ST3GAL3: variants seen among roughly 807,000 people sequenced by gnomAD.
ST3GAL3 encodes the protein CMP-N-acetylneuraminate-beta-1,4-galactoside alpha-2,3-sialyltransferase.
In ST3GAL3, 21 loss-of-function variants were observed where a neutral mutation model predicts 50.1. That is an observed-to-expected ratio of 0.42 (90% confidence interval 0.30 to 0.60). The LOEUF (loss-of-function observed/expected upper bound fraction) is 0.60. Ranked by LOEUF, ST3GAL3 falls within the 20% of genes least tolerant of loss-of-function variation. The pLI is 0.19. For synonymous variants in ST3GAL3, 183 were observed against 190.0 expected, an observed-to-expected ratio of 0.96 and a Z score of 0.30; for missense variants, 353 against 489.4, an observed-to-expected ratio of 0.72 and a Z score of 2.63.
intron 5 of ST3GAL3, among the ~76,000 whole-genome samples, chr1:43,879,784 G>A (rs952687668): frequency 6.6e-6 from 1 of 152,152 alleles, no homozygotes; most frequent in Non-Finnish European, 1.5e-5. Context: ...AGCCAGAGCC[G>A]CTGCTCCTGC....
At chr1:43,927,522 A>G (rs1038558282) in intron 11 of ST3GAL3, among the ~76,000 whole-genome samples, 1 of 152,130 alleles carries the variant, frequency 6.6e-6, no homozygotes, top group Admixed American at 6.6e-5. Flanking sequence ...ATTCGTTACT[A>G]CTTCTCCAGA....
At chr1:43,767,588 G>A (rs1318493890) in intron 2 of ST3GAL3, among the ~76,000 whole-genome samples, 1 of 149,496 alleles carries the variant, frequency 6.7e-6, no homozygotes, top group Non-Finnish European at 1.5e-5. Context: ...ATTAAGAAAT[G>A]AATTTGTAAA....
intron 2 of ST3GAL3, among the ~76,000 whole-genome samples, chr1:43,758,963 G>C (rs1267003226): frequency 6.6e-6 from 1 of 150,996 alleles, no homozygotes; most frequent in African/African-American, 2.4e-5. Flanking sequence ...AGAATCAGTT[G>C]AGCCTAGGAA....
Position 43,920,933 on chromosome 1 carries a change from G to C in ST3GAL3, c.1038+5G>C, listed in dbSNP as rs777519333. The C allele has an allele frequency of 6.2e-7, 1 of 1,606,032 alleles. No homozygotes were observed. Among genetic ancestry groups the C allele is most frequent in the South Asian group, 1.1e-5 (1 of 90,120 alleles). On this transcript the variant is annotated splice_donor_5th_base_variant and intron_variant, in intron 11 of 11. Transcript: ENST00000347631. ...CGCATGGCAGCCATCAAAGAGGTTC[G>C]GGGCTGGGTATGGGGGCAATCCCTG...
At position 43,899,016 on chromosome 1, in the gene ST3GAL3, TTC is replaced by T. The variant is rs1274458777; in HGVS notation, c.462-147_462-146del. The T allele has an allele frequency of 3.9e-6, 4 of 1,034,204 alleles. No homozygotes were observed. The Admixed American group carries it at 6.2e-5, about 16-fold the overall frequency. The allele number at this position is 1,034,204 out of a possible 1,614,324, so 64.1% of individuals were successfully genotyped here. ...AGCTACCCATTGTATGGTTCAGGCC[TTC>T]TCTCAGAAATGCTGCCAGAAGCCCA... On this transcript the variant is annotated intron_variant, in intron 7 of 11. Transcript: ENST00000347631. This position sits in a 1 kb window ranked among gnomAD's most constrained non-coding sequence, Gnocchi z 5.4.
intron 1 of ST3GAL3, among the ~76,000 whole-genome samples, chr1:43,735,000 G>C (rs553724356): frequency 6.6e-6 from 1 of 152,140 alleles, no homozygotes; most frequent in South Asian, 2.1e-4. Flanking sequence ...ATTCCAGACA[G>C]ACCTTGAGGA....
intron 1 of ST3GAL3, among the ~76,000 whole-genome samples, chr1:43,731,250 G>A (rs1571646986): frequency 1.3e-5 from 2 of 151,766 alleles, no homozygotes; most frequent in Admixed American, 6.6e-5. Flanking sequence ...TCGCTCTGTC[G>A]CCCAGGCTTG....
intron 3 of ST3GAL3, among the ~76,000 whole-genome samples, chr1:43,796,760 A>G (rs1300953432): frequency 2.6e-5 from 4 of 152,280 alleles, no homozygotes. Flanking sequence ...TTAATCAACC[A>G]ATGCCAGTGC....
Position 43,832,263 on chromosome 1 carries a change from G to T in ST3GAL3, c.210-5956G>T, listed in dbSNP as rs1323554058. On this transcript the variant is annotated intron_variant, in intron 4 of 11. Transcript: ENST00000347631. ...TCCACAATCACTGATCAAATAGGAA[G>T]GTGGCCTGGTTTGATGAAAAGGTAT... is the stretch of plus-strand genomic sequence containing the variant. Among the ~76,000 whole-genome samples the T allele has an allele frequency of 2.6e-5, 4 of 152,186 alleles. No individual in the cohort carries two copies. In the East Asian group the frequency reaches 7.7e-4, roughly 29 times the overall value.
rs1425576826 is a variant in ST3GAL3, at chr1:43,875,944, CTTCTTCTTATTATTATTATTATTA to C, written c.303-18436_303-18413del. Reference sequence around the variant, plus strand: ...TCTTCTTCTTCTTCTTCTTCTTCTTCTTCTTCTTATTATTATTATTATTATTATTATTATTATTTTTGAGACAGG... The same window carrying C: ...TCTTCTTCTTCTTCTTCTTCTTCTTCTTATTATTATTATTTTTGAGACAGG... On this transcript the variant is annotated intron_variant, in intron 5 of 11. Transcript: ENST00000347631. Among the ~76,000 whole-genome samples the C allele has an allele frequency of 6.9e-4, 34 of 49,090 alleles. 1 individual carries two copies. The East Asian group carries it at 0.01, about 15-fold the overall frequency. The allele number at this position is 49,090 out of a possible 152,430, so 32.2% of individuals were successfully genotyped here. A position where few individuals can be genotyped will look rare whatever the true frequency, so the allele number is the denominator to read the frequency against.
At chr1:43,763,703 C>G (rs1691432244) in intron 2 of ST3GAL3, among the ~76,000 whole-genome samples, 1 of 152,148 alleles carries the variant, frequency 6.6e-6, no homozygotes, top group South Asian at 2.1e-4. Flanking sequence ...TGGAGTAGTT[C>G]TTCAACTCAC....
chr1:43,850,723 TC>T (rs2067132071), intron 5 of ST3GAL3: 2 of 746,730 alleles, frequency 2.7e-6, no homozygotes, highest in Non-Finnish European at 4.9e-6. Flanking sequence ...CCCAGCTCCG[TC>T]AGTGCCTCAG....
intron 3 of ST3GAL3, among the ~76,000 whole-genome samples, chr1:43,812,778 A>G (rs577343269): frequency 1.9e-4 from 29 of 152,306 alleles, no homozygotes; most frequent in Non-Finnish European, 3.8e-4. Flanking sequence ...ATGTCTCTTA[A>G]TGAAAGAGAG....
intron 3 of ST3GAL3, among the ~76,000 whole-genome samples, chr1:43,794,766 T>C (rs1202284036): frequency 6.6e-6 from 1 of 152,128 alleles, no homozygotes; most frequent in African/African-American, 2.4e-5. Context: ...GATGCAACAA[T>C]ATGGATAAAT....
chr1:43,851,383 A>G, intron 5 of ST3GAL3: 13 of 1,603,628 alleles, frequency 8.1e-6, no homozygotes, highest in Non-Finnish European at 1.1e-5. Context: ...GGGGAGCCTG[A>G]GCAAGGCTGG....
chr1:43,734,165 G>A (rs185884455), intron 1 of ST3GAL3, among the ~76,000 whole-genome samples: 11 of 152,054 alleles, frequency 7.2e-5, no homozygotes, highest in Admixed American at 7.2e-4. Flanking sequence ...GATATTTTAT[G>A]TTCTTTGGTG....
At position 43,848,595 on chromosome 1, in the gene ST3GAL3, G is replaced by A. The variant is rs529100752; in HGVS notation, c.302+10284G>A. Among the ~76,000 whole-genome samples the A allele has an allele frequency of 3.9e-5, 6 of 152,162 alleles. No homozygotes were observed. In the East Asian group the frequency reaches 5.8e-4, roughly 15 times the overall value. ...GCTAGGATTACAGGTGTGAGCCACCGTGCCTGGCTGTGGTTTTCTTTATAT... is the reference window on the plus strand; with the variant it reads ...GCTAGGATTACAGGTGTGAGCCACCATGCCTGGCTGTGGTTTTCTTTATAT... On this transcript the variant is annotated intron_variant, in intron 5 of 11. Coordinates refer to ENST00000347631, the MANE Select transcript of ST3GAL3 (RefSeq NM_006279.5).
At chr1:43,865,059 C>G (rs71518478) in intron 5 of ST3GAL3, among the ~76,000 whole-genome samples, 2 of 151,746 alleles carry the variant, frequency 1.3e-5, no homozygotes, top group Non-Finnish European at 2.9e-5. Flanking sequence ...CTCTGTCGCC[C>G]AGGCTGGAGT....
chr1:43,848,431 G>A (rs755412680), intron 5 of ST3GAL3, among the ~76,000 whole-genome samples: 9 of 149,308 alleles, frequency 6.0e-5, no homozygotes, highest in African/African-American at 2.0e-4. Flanking sequence ...TCAGCCTCCC[G>A]AGTAGCTGGG....
Sources: gnomAD v4.1 joint callset for allele counts (sites outside exome capture counted in the v4.1 genomes callset) on GRCh38, gnomAD v4.1.1 for gene constraint, Gnocchi (gnomAD v3.1) non-coding constraint, MANE v1.5 for transcripts, NCBI Gene and HGNC (gene_info 2026-07-23, HGNC 2026-07-21) for gene names.